Variants in GAL3ST2 observed in about 807,000 individuals in gnomAD.
GAL3ST2 encodes galactose-3-O-sulfotransferase 2.
In GAL3ST2, 16 loss-of-function variants were observed where a neutral mutation model predicts 12.9. The ratio of observed to expected loss-of-function variants is 1.24; its 90% CI spans 0.84 to 1.88. The LOEUF (loss-of-function observed/expected upper bound fraction) is 1.88. GAL3ST2 is among the 40% of genes most tolerant of loss of function. The probability of loss-of-function intolerance (pLI) is 0.00; values close to 1 mark genes in which losing one functional copy is unlikely to be tolerated. For missense variants in GAL3ST2, 639 were observed against 571.8 expected (o/e 1.12, Z -1.20); for synonymous variants, 302 against 273.9 (o/e 1.10, Z -1.01).
Position 241,786,620 on chromosome 2 carries a change from A to G in GAL3ST2, c.29+9636A>G, listed in dbSNP as rs1699631691. Among the ~76,000 whole-genome samples, 3 of 152,208 alleles carry G rather than the reference A, an allele frequency of 2.0e-5. No homozygotes were observed. In the South Asian group the frequency reaches 6.2e-4, roughly 31 times the overall value. On this transcript the variant is annotated intron_variant, in intron 1 of 3. Coordinates refer to ENST00000192314, the MANE Select transcript of GAL3ST2 (RefSeq NM_022134.3). ...TGGAAGCAAGTAAAACTCCAAAAAAATAGGGAGTTGTACAGCAAAATAAAC... is the reference window on the plus strand; with the variant it reads ...TGGAAGCAAGTAAAACTCCAAAAAAGTAGGGAGTTGTACAGCAAAATAAAC...
At position 241,793,508 on chromosome 2, in the gene GAL3ST2, GTA is replaced by G. The variant is rs1243145390; in HGVS notation, c.30-5553_30-5552del. 6.1e-4 allele frequency among the ~76,000 whole-genome samples: 92 copies of G among 151,376 alleles called. No homozygotes were observed. Among genetic ancestry groups the G allele is most frequent in the African/African-American group, 2.2e-3 (90 of 40,832 alleles). On this transcript the variant is annotated intron_variant, in intron 1 of 3. Coordinates refer to ENST00000192314, the MANE Select transcript of GAL3ST2 (RefSeq NM_022134.3). The surrounding 1 kb of genome is among the most constrained non-coding windows in gnomAD (Gnocchi z 4.7). ...ATATGTACATATTGTGTATGTGTGT[GTA>G]TATGTATGTGTGTATTGTGTTTATA...
chr2:241,777,145 G>A (rs541648303), intron 1 of GAL3ST2, among the ~76,000 whole-genome samples, 161 bp downstream of exon 1: 15 of 152,344 alleles, frequency 9.8e-5, no homozygotes, highest in African/African-American at 3.4e-4. Context: ...TCTTGGCTTC[G>A]TTTCGGAAGT....
chr2:241,797,056 A>C (rs544655779), intron 1 of GAL3ST2, among the ~76,000 whole-genome samples: 3 of 152,342 alleles, frequency 2.0e-5, no homozygotes, highest in Non-Finnish European at 4.4e-5. Flanking sequence ...ATGGGGTCTC[A>C]CTGTATTGCC....
chr2:241,802,199 A>G lies in GAL3ST2; in HGVS notation c.375+163A>G, dbSNP rs1185517201. On this transcript the variant is annotated intron_variant, in intron 3 of 3. Coordinates refer to ENST00000192314, the MANE Select transcript of GAL3ST2 (RefSeq NM_022134.3). This position sits in a 1 kb window ranked among gnomAD's most constrained non-coding sequence, Gnocchi z 4.8. ...CTGGGCCGCACGCCCTGCTGAGCCA[A>G]CCCCTGCCCCTCCAGGCGGCCAGTC... Among the ~76,000 whole-genome samples, 1 of 151,846 alleles carries G rather than the reference A, an allele frequency of 6.6e-6. No homozygotes were observed. The highest frequency in any genetic ancestry group is 1.5e-5 in the Non-Finnish European group (1 of 67,894).
At chr2:241,792,504 A>T (rs187872302) in intron 1 of GAL3ST2, among the ~76,000 whole-genome samples, 2 of 152,148 alleles carry the variant, frequency 1.3e-5, no homozygotes, top group Non-Finnish European at 2.9e-5. Context: ...TATGTGGCCT[A>T]TATCGATTTT....
At chr2:241,797,098 A>G (rs1699780832) in intron 1 of GAL3ST2, among the ~76,000 whole-genome samples, 2 of 152,188 alleles carry the variant, frequency 1.3e-5, no homozygotes, top group Admixed American at 6.5e-5. Context: ...GGCTCAAGCA[A>G]TTCTCCCACT....
At position 241,801,426 on chromosome 2, in the gene GAL3ST2, A is replaced by G; in HGVS notation, c.120-355A>G. 3.0e-6 allele frequency: 1 copy of G among 338,874 alleles called. No individual in the cohort carries two copies. 21.0% of individuals were successfully genotyped at this position (338,874 alleles called of 1,614,324 possible). A position where few individuals can be genotyped will look rare whatever the true frequency, so the allele number is the denominator to read the frequency against. ...GGGGAGGGGGTGTGACGAGGCGTCT[A>G]CCTCCCATCCCATCACTGCTGGGAA... is the stretch of plus-strand genomic sequence containing the variant. On this transcript the variant is annotated intron_variant, in intron 2 of 3. Transcript: ENST00000192314. The surrounding 1 kb of genome is among the most constrained non-coding windows in gnomAD (Gnocchi z 4.4).
intron 1 of GAL3ST2, among the ~76,000 whole-genome samples, chr2:241,779,529 G>A (rs984816394): frequency 1.3e-5 from 2 of 149,750 alleles, no homozygotes; most frequent in African/African-American, 4.9e-5. Context: ...CACCGTGCCC[G>A]GCCCTGGGAA....
At chr2:241,792,335 C>T (rs1699703399) in intron 1 of GAL3ST2, among the ~76,000 whole-genome samples, 2 of 151,712 alleles carry the variant, frequency 1.3e-5, no homozygotes, top group South Asian at 2.1e-4. Context: ...CACCCGCCCC[C>T]CTTATTTTTC....
intron 1 of GAL3ST2, among the ~76,000 whole-genome samples, chr2:241,787,859 A>G (rs891958434): frequency 6.6e-6 from 1 of 151,918 alleles, no homozygotes; most frequent in African/African-American, 2.4e-5. Flanking sequence ...TCTTTCTCTA[A>G]TTGGATTTGA....
rs1004576024 is a variant in GAL3ST2, at chr2:241,801,834, A to C, written c.173A>C (p.Lys58Thr). 1.9e-6 allele frequency: 3 copies of C among 1,612,906 alleles called. No homozygotes were observed. The highest frequency in any genetic ancestry group is 2.5e-6 in the Non-Finnish European group (3 of 1,179,932). Reference protein sequence around the residue: ...GPPVTNIMFLKTHKTASSTVL... With the variant: ...GPPVTNIMFLTTHKTASSTVL... ...CCGGTCACCAACATCATGTTCCTGA[A>C]GACGCACAAGACGGCCAGCAGCACG... is the stretch of plus-strand genomic sequence containing the variant. Residue 58 changes from lysine (K) to threonine (T), a missense_variant, in exon 3 of 4, where the codon AAG becomes ACG. Transcript: ENST00000192314. The surrounding 1 kb of genome is among the most constrained non-coding windows in gnomAD (Gnocchi z 4.4).
chr2:241,803,595 A>ACGTG lies in GAL3ST2; in HGVS notation c.629_632dup (p.Ile214AlafsTer161). On this transcript the variant is annotated frameshift_variant, in exon 4 of 4. Coordinates refer to ENST00000192314, the MANE Select transcript of GAL3ST2 (RefSeq NM_022134.3). LOFTEE classifies it low-confidence loss of function (END_TRUNC). The stretch of plus-strand genomic sequence containing the variant: ...CCCAACGCGCAGTGCGAGGAGGGCT[A>ACGTG]CGTGCGCGCGCGCATCGCCGAGGTG... 3.8e-6 allele frequency: 6 copies of ACGTG among 1,576,410 alleles called. No homozygotes were observed. Among genetic ancestry groups the ACGTG allele is most frequent in the Admixed American group, 3.7e-5 (2 of 54,602 alleles).
Position 241,801,856 on chromosome 2 carries a change from C to A in GAL3ST2, c.195C>A (p.Ser65Arg). The A allele has an allele frequency of 6.2e-7, 1 of 1,613,000 alleles. No individual in the cohort carries two copies. Among genetic ancestry groups the A allele is most frequent in the East Asian group, 2.2e-5 (1 of 44,872 alleles). Reference protein sequence around the residue: ...MFLKTHKTASSTVLNILYRFA... With the variant: ...MFLKTHKTASRTVLNILYRFA... ...TGAAGACGCACAAGACGGCCAGCAGCACGGTGCTCAACATCCTCTACCGCT... is the reference window on the plus strand; with the variant it reads ...TGAAGACGCACAAGACGGCCAGCAGAACGGTGCTCAACATCCTCTACCGCT... Residue 65 changes from serine (S) to arginine (R), a missense_variant, in exon 3 of 4, where the codon AGC (serine) becomes AGA (arginine). Physicochemically the swap from Ser to Arg is moderately radical, Grantham distance 110. Coordinates refer to ENST00000192314, the MANE Select transcript of GAL3ST2 (RefSeq NM_022134.3). The surrounding 1 kb of genome is among the most constrained non-coding windows in gnomAD (Gnocchi z 4.4).
rs1472994113 is a variant in GAL3ST2 at position 241,803,710 on chromosome 2, C to T, written c.741C>T (p.Asp247=). 1.9e-6 allele frequency: 3 copies of T among 1,543,822 alleles called. No individual in the cohort carries two copies. Among genetic ancestry groups the T allele is most frequent in the East Asian group, 2.5e-5 (1 of 40,420 alleles). Residue 247 remains aspartate, a synonymous_variant, in exon 4 of 4, where the codon GAC becomes GAT. Transcript: ENST00000192314. Reference sequence around the variant, plus strand: ...GCCGGCTGCGCTGGGCGCTGGACGACGTGGTGGCCTTCAGGCTCAACTCCC... The same window carrying T: ...GCCGGCTGCGCTGGGCGCTGGACGATGTGGTGGCCTTCAGGCTCAACTCCC... ...LRRRLRWALD[D]VVAFRLNSRS...
At position 241,800,513 on chromosome 2, in the gene GAL3ST2, C is replaced by T. The variant is rs1402340733; in HGVS notation, c.120-1268C>T. Among the ~76,000 whole-genome samples the T allele has an allele frequency of 6.6e-6, 1 of 152,222 alleles. No homozygotes were observed. Among genetic ancestry groups the T allele is most frequent in the Non-Finnish European group, 1.5e-5 (1 of 68,046 alleles). ...GTTACTTACTTGTGACCCACGTTCA[C>T]CTTGGGGTGGAGACTGCACATCTAA... On this transcript the variant is annotated intron_variant, in intron 2 of 3. Transcript: ENST00000192314. The surrounding 1 kb of genome is among the most constrained non-coding windows in gnomAD (Gnocchi z 5.2).
chr2:241,803,576 G>C lies in GAL3ST2; in HGVS notation c.607G>C (p.Ala203Pro). ...MWFDFGFDPN[A>P]QCEEGYVRAR... ...GTTCGACTTCGGCTTCGACCCCAAC[G>C]CGCAGTGCGAGGAGGGCTACGTGCG... The change falls in exon 4 of 4, where the codon GCG becomes CCG. Residue 203 changes from alanine (A) to proline (P), a missense_variant. Ala to Pro is a conservative substitution (Grantham distance 27, BLOSUM62 -1). Coordinates refer to ENST00000192314, the MANE Select transcript of GAL3ST2 (RefSeq NM_022134.3). 1.9e-6 allele frequency: 3 copies of C among 1,593,416 alleles called. No individual in the cohort carries two copies. The highest frequency in any genetic ancestry group is 2.6e-6 in the Non-Finnish European group (3 of 1,169,462).
At chr2:241,790,614 A>G (rs1415992966) in intron 1 of GAL3ST2, among the ~76,000 whole-genome samples, 2 of 152,166 alleles carry the variant, frequency 1.3e-5, no homozygotes, top group African/African-American at 4.8e-5. Context: ...TTACTTTCCA[A>G]TCTGAGTCTG....
At chr2:241,781,003 G>C (rs13430115) in intron 1 of GAL3ST2, among the ~76,000 whole-genome samples, 3,553 of 152,292 alleles carry the variant, frequency 0.023, 147 homozygotes, top group African/African-American at 0.081. Context: ...AAAATAACCA[G>C]TTTCTCCAAT....
In GAL3ST2 at chr2:241,801,783, T is replaced by G. The variant is rs1699850660; in HGVS notation, c.122T>G (p.Leu41Arg). 1 of 1,612,140 alleles carries G rather than the reference T, an allele frequency of 6.2e-7. No individual in the cohort carries two copies. The highest frequency in any genetic ancestry group is 8.5e-7 in the Non-Finnish European group (1 of 1,179,746). Residue 41 changes from leucine (L) to arginine (R), a missense_variant and splice_region_variant, in exon 3 of 4, where the codon CTG becomes CGG. Coordinates refer to ENST00000192314, the MANE Select transcript of GAL3ST2 (RefSeq NM_022134.3). This position sits in a 1 kb window ranked among gnomAD's most constrained non-coding sequence, Gnocchi z 4.4. ...LHSDLELDTP[L>R]FGGQAEGPPV... is the part of the protein sequence containing the mutation. ...GCTGCGTGTGCCTTCCCTCCCAGCC[T>G]GTTTGGGGGCCAGGCTGAGGGGCCG...
Sources: allele counts gnomAD v4.1 joint callset (sites outside exome capture counted in the v4.1 genomes callset), GRCh38; gene constraint gnomAD v4.1.1; non-coding constraint Gnocchi (gnomAD v3.1); transcripts MANE v1.5; gene names NCBI Gene and HGNC (gene_info 2026-07-23, HGNC 2026-07-21).